The following AURKC variants were observed in gnomAD, a reference collection of about 807,000 sequenced individuals.
AURKC encodes the protein ARK-3.
AURKC carries 15 observed loss-of-function variants against 29.2 expected under a neutral mutation model. The ratio of observed to expected loss-of-function variants is 0.51; its 90% CI spans 0.34 to 0.79. AURKC has a LOEUF of 0.79. AURKC is among the 30% of genes least tolerant of loss of function. The pLI is 0.01. For synonymous variants in AURKC, 150 were observed against 149.9 expected, an observed-to-expected ratio of 1.00 and a Z score of -0.01; for missense variants, 332 against 383.2, an observed-to-expected ratio of 0.87 and a Z score of 1.12.
At position 57,235,033 on chromosome 19, in the gene AURKC, GT is replaced by G; in HGVS notation, c.735del (p.Ser245ArgfsTer10). ...GYPPFESASH[S>X]ETYRRILKVD... Reference sequence around the variant, plus strand: ...CCACCCTTTGAGAGCGCCTCCCACAGTGAGACTTACAGACGCATCCTCAAGG... The same window carrying G: ...CCACCCTTTGAGAGCGCCTCCCACAGGAGACTTACAGACGCATCCTCAAGG... On this transcript the variant is annotated frameshift_variant, in exon 6 of 7. Transcript: ENST00000302804. LOFTEE classifies it low-confidence loss of function (END_TRUNC). 6.2e-7 allele frequency: 1 copy of G among 1,614,208 alleles called. No individual in the cohort carries two copies. The highest frequency in any genetic ancestry group is 8.5e-7 in the Non-Finnish European group (1 of 1,180,046).
intron 5 of AURKC, among the ~76,000 whole-genome samples, chr19:57,234,345 G>A (rs970398448): frequency 5.9e-5 from 9 of 152,176 alleles, no homozygotes; most frequent in Non-Finnish European, 1.3e-4. Context: ...CATGAGCCAC[G>A]ATGCCTGGCC....
In AURKC at chr19:57,232,995, AAAT is replaced by A. The variant is rs2087509197; in HGVS notation, c.435+317_435+319del. 6.6e-6 allele frequency among the ~76,000 whole-genome samples: 1 copy of A among 152,190 alleles called. No homozygotes were observed. The highest frequency in any genetic ancestry group is 2.4e-5 in the African/African-American group (1 of 41,448). ...AAGGCTCTGAAGGAGTTCACTGAATAAATAGCTAGAACTGGCTTAGAGATAGGT... is the reference window on the plus strand; with the variant it reads ...AAGGCTCTGAAGGAGTTCACTGAATAAGCTAGAACTGGCTTAGAGATAGGT... On this transcript the variant is annotated intron_variant, in intron 4 of 6. Coordinates refer to ENST00000302804, the MANE Select transcript of AURKC (RefSeq NM_001015878.2). The surrounding 1 kb of genome is among the most constrained non-coding windows in gnomAD (Gnocchi z 4.5).
intron 6 of AURKC, 60 bp downstream of exon 6, chr19:57,235,118 T>G (rs2087533611): frequency 1.2e-6 from 2 of 1,612,184 alleles, no homozygotes; most frequent in Admixed American, 3.3e-5. Context: ...TGCTGGGCTG[T>G]GGGCACACAC....
rs777229001 is a variant in AURKC, at chr19:57,233,646, C to G, written c.584+38C>G. The stretch of plus-strand genomic sequence containing the variant: ...GTGGTGGTAGGGTGAGTTCTGAGTA[C>G]CAGTTAGGAATGACCCAGTTTAATG... On this transcript the variant is annotated intron_variant, in intron 5 of 6. Transcript: ENST00000302804. 4 of 1,612,576 alleles carry G rather than the reference C, an allele frequency of 2.5e-6. 1 individual carries two copies. The Admixed American group carries it at 6.7e-5, about 27-fold the overall frequency.
Position 57,232,026 on chromosome 19 carries a change from C to T in AURKC, c.105-7C>T. 12 of 1,614,082 alleles carry T rather than the reference C, an allele frequency of 7.4e-6. No individual in the cohort carries two copies. Among genetic ancestry groups the T allele is most frequent in the Non-Finnish European group, 1.0e-5 (12 of 1,180,026 alleles). On this transcript the variant is annotated splice_region_variant and splice_polypyrimidine_tract_variant and intron_variant, in intron 2 of 6. Transcript: ENST00000302804. The surrounding 1 kb of genome is among the most constrained non-coding windows in gnomAD (Gnocchi z 4.5). ...AAGCTGAGGCTTTTTTCTTCCTCTC[C>T]TGTCAGGCGGCGCCTCACAGTCGAT...
intron 4 of AURKC, among the ~76,000 whole-genome samples, 158 bp from the exon 5 acceptor site, chr19:57,233,302 C>A (rs772496901): frequency 4.6e-5 from 7 of 152,176 alleles, no homozygotes; most frequent in Non-Finnish European, 8.8e-5. Context: ...GAAAACCACA[C>A]CCCACACACC....
chr19:57,231,959 G>T (rs540904120), intron 2 of AURKC, 74 bp from the exon 3 acceptor site: 75 of 1,602,186 alleles, frequency 4.7e-5, no homozygotes, highest in Non-Finnish European at 6.2e-5. Flanking sequence ...AGGAAGGGGA[G>T]CATTGGCATC....
chr19:57,231,919 G>A, intron 2 of AURKC, 114 bp from the exon 3 acceptor site: 11 of 1,604,050 alleles, frequency 6.9e-6, no homozygotes, highest in Middle Eastern at 1.7e-4. Context: ...TGTGAGAAGG[G>A]AAAGCGGCAG....
At chr19:57,234,731 A>G (rs138807981) in intron 5 of AURKC, among the ~76,000 whole-genome samples, 153 bp from the exon 6 acceptor site, 1 of 152,302 alleles carries the variant, frequency 6.6e-6, no homozygotes, top group African/African-American at 2.4e-5. Flanking sequence ...ACCTTGATCC[A>G]TATTAAAAAT....
rs569437314 is a variant in AURKC, at chr19:57,231,169, C to A, written c.-80C>A. 7 of 1,550,976 alleles carry A rather than the reference C, an allele frequency of 4.5e-6. No homozygotes were observed. The highest frequency in any genetic ancestry group is 2.4e-5 in the East Asian group (1 of 40,888). ...GCGCCCCGGCCAGAAAGTGACCCCC[C>A]ACCCCTTTCAGGACCCTGTGAACGG... On this transcript the variant is annotated 5_prime_UTR_variant, in exon 1 of 7. Transcript: ENST00000302804.
chr19:57,232,313 G>A lies in AURKC; in HGVS notation c.296+89G>A. On this transcript the variant is annotated intron_variant, in intron 3 of 6. Coordinates refer to ENST00000302804, the MANE Select transcript of AURKC (RefSeq NM_001015878.2). This position sits in a 1 kb window ranked among gnomAD's most constrained non-coding sequence, Gnocchi z 4.5. The stretch of plus-strand genomic sequence containing the variant: ...CTAACCCCAAGTAAACCCTGCACTT[G>A]TACCTTGAAGACTTCTCTGCAGTTC... The A allele has an allele frequency of 6.6e-7, 1 of 1,518,538 alleles. No individual in the cohort carries two copies. Among genetic ancestry groups the A allele is most frequent in the Non-Finnish European group, 9.0e-7 (1 of 1,113,040 alleles). The allele number at this position is 1,518,538 out of a possible 1,614,324, so 94.1% of individuals were successfully genotyped here.
chr19:57,231,160 G>C lies in AURKC; in HGVS notation c.-89G>C, dbSNP rs1860487000. The stretch of plus-strand genomic sequence containing the variant: ...GGATTGGAAGCGCCCCGGCCAGAAA[G>C]TGACCCCCCACCCCTTTCAGGACCC... On this transcript the variant is annotated 5_prime_UTR_variant, in exon 1 of 7. Transcript: ENST00000302804. 3.9e-6 allele frequency: 6 copies of C among 1,544,622 alleles called. No individual in the cohort carries two copies. Among genetic ancestry groups the C allele is most frequent in the Non-Finnish European group, 5.3e-6 (6 of 1,141,792 alleles).
rs1316809304 is a variant in AURKC, at chr19:57,233,539, T to C, written c.515T>C (p.Leu172Pro). ...VIHRDIKPENLLLGFRGEVKI... is the reference protein window; with the variant it reads ...VIHRDIKPENPLLGFRGEVKI... ...CACAGAGATATTAAGCCAGAGAACC[T>C]GCTGCTGGGGTTCAGGGGTGAGGTG... Residue 172 changes from leucine (L) to proline (P), a missense_variant, in exon 5 of 7, where the codon CTG becomes CCG. Coordinates refer to ENST00000302804, the MANE Select transcript of AURKC (RefSeq NM_001015878.2). The C allele has an allele frequency of 1.2e-6, 2 of 1,614,062 alleles. No individual in the cohort carries two copies. Among genetic ancestry groups the C allele is most frequent in the Non-Finnish European group, 1.7e-6 (2 of 1,180,044 alleles).
At position 57,233,523 on chromosome 19, in the gene AURKC, A is replaced by C; in HGVS notation, c.499A>C (p.Ile167Leu). Residue 167 changes from isoleucine to leucine, a missense_variant, in exon 5 of 7, where the codon ATT becomes CTT. Ile to Leu is a conservative substitution (Grantham distance 5). Transcript: ENST00000302804. ...TGACAAGAAAGTGATTCACAGAGATATTAAGCCAGAGAACCTGCTGCTGGG... is the reference window on the plus strand; with the variant it reads ...TGACAAGAAAGTGATTCACAGAGATCTTAAGCCAGAGAACCTGCTGCTGGG... ...CHDKKVIHRDIKPENLLLGFR... is the reference protein window; with the variant it reads ...CHDKKVIHRDLKPENLLLGFR... 1 of 1,614,228 alleles carries C rather than the reference A, an allele frequency of 6.2e-7. No homozygotes were observed. Among genetic ancestry groups the C allele is most frequent in the East Asian group, 2.2e-5 (1 of 44,882 alleles).
chr19:57,234,573 G>A (rs896671543), intron 5 of AURKC, among the ~76,000 whole-genome samples: 3 of 152,004 alleles, frequency 2.0e-5, no homozygotes, highest in Admixed American at 2.0e-4. Context: ...TATTTACTTG[G>A]CTCTCATTGA....
In AURKC at chr19:57,231,163, A is replaced by AC. The variant is rs140452971; in HGVS notation, c.-80dup. 8,469 of 1,547,374 alleles carry AC rather than the reference A, an allele frequency of 5.5e-3. 373 individuals are homozygous for AC. In the East Asian group the frequency reaches 0.12, roughly 23 times the overall value. On this transcript the variant is annotated 5_prime_UTR_variant, in exon 1 of 7. Coordinates refer to ENST00000302804, the MANE Select transcript of AURKC (RefSeq NM_001015878.2). ...TTGGAAGCGCCCCGGCCAGAAAGTG[A>AC]CCCCCCACCCCTTTCAGGACCCTGT...
intron 1 of AURKC, 151 bp from the exon 2 acceptor site, chr19:57,231,591 C>G: frequency 2.4e-6 from 2 of 836,208 alleles, no homozygotes; most frequent in South Asian, 1.6e-5. Context: ...CCTCTCCCTG[C>G]CTTCCCCTTC....
rs758270667 is a variant in AURKC, at chr19:57,231,728, C to T, written c.59-14C>T. 2 of 1,613,828 alleles carry T rather than the reference C, an allele frequency of 1.2e-6. No homozygotes were observed. The highest frequency in any genetic ancestry group is 1.6e-4 in the Middle Eastern group (1 of 6,062). On this transcript the variant is annotated splice_polypyrimidine_tract_variant and intron_variant, in intron 1 of 6. Transcript: ENST00000302804. The stretch of plus-strand genomic sequence containing the variant: ...CCTCTCCCTTCCTATCTCCCTCCTC[C>T]TCCTCTCTTTCAGTGGCTACAGCAA...
In AURKC at chr19:57,232,288, C is replaced by T; in HGVS notation, c.296+64C>T. The T allele has an allele frequency of 6.3e-7, 1 of 1,586,532 alleles. No individual in the cohort carries two copies. Among genetic ancestry groups the T allele is most frequent in the Non-Finnish European group, 8.6e-7 (1 of 1,164,696 alleles). ...CTGAGCCCAGCATTTTCCCCAAATA[C>T]TAACCCCAAGTAAACCCTGCACTTG... On this transcript the variant is annotated intron_variant, in intron 3 of 6. Coordinates refer to ENST00000302804, the MANE Select transcript of AURKC (RefSeq NM_001015878.2). The surrounding 1 kb of genome is among the most constrained non-coding windows in gnomAD (Gnocchi z 4.5).
Sources: allele counts gnomAD v4.1 joint callset (sites outside exome capture counted in the v4.1 genomes callset), GRCh38; gene constraint gnomAD v4.1.1; non-coding constraint Gnocchi (gnomAD v3.1); transcripts MANE v1.5; gene names NCBI Gene and HGNC (gene_info 2026-07-23, HGNC 2026-07-21).